ZIM2: variants seen among roughly 807,000 people sequenced by gnomAD.
ZIM2 encodes zinc finger imprinted 2.
In ZIM2, 14 loss-of-function variants were observed where a neutral mutation model predicts 38.6. The ratio of observed to expected loss-of-function variants is 0.36; its 90% CI spans 0.24 to 0.57. The LOEUF is 0.57. ZIM2 is among the 20% of genes least tolerant of loss of function. The pLI is 0.81. For synonymous variants in ZIM2, 247 were observed against 245.8 expected, an observed-to-expected ratio of 1.00 and a Z score of -0.04; for missense variants, 680 against 695.1, an observed-to-expected ratio of 0.98 and a Z score of 0.24.
chr19:56,816,848 G>A, intron 9 of ZIM2: 2 of 1,614,126 alleles, frequency 1.2e-6, no homozygotes, highest in Non-Finnish European at 1.7e-6. Flanking sequence ...CATTCCACAA[G>A]ATAACCTCTA....
intron 11 of ZIM2, among the ~76,000 whole-genome samples, chr19:56,780,474 C>T (rs2046275022): frequency 6.6e-6 from 1 of 152,046 alleles, no homozygotes; most frequent in Non-Finnish European, 1.5e-5. Flanking sequence ...AAACTCCTGA[C>T]CTCAAATGAA....
intron 11 of ZIM2, among the ~76,000 whole-genome samples, chr19:56,780,306 G>C (rs914841798): frequency 4.8e-5 from 7 of 147,168 alleles, no homozygotes; most frequent in Non-Finnish European, 1.0e-4. Flanking sequence ...GCAGTGGCAC[G>C]ATCTTGGCTT....
chr19:56,831,984 G>T (rs2061609857), intron 2 of ZIM2, among the ~76,000 whole-genome samples: 1 of 152,140 alleles, frequency 6.6e-6, no homozygotes, highest in Admixed American at 6.5e-5. Context: ...ATGATCTCAT[G>T]TATGTAAAAA....
At chr19:56,776,981 G>A in intron 12 of ZIM2, among the ~76,000 whole-genome samples, 1 of 152,212 alleles carries the variant, frequency 6.6e-6, no homozygotes, top group African/African-American at 2.4e-5. Context: ...AGGAACTTCA[G>A]TGTTTTGCTA....
intron 9 of ZIM2, chr19:56,798,543 T>C (rs909989798): frequency 3.9e-5 from 6 of 152,130 alleles, no homozygotes; most frequent in Non-Finnish European, 8.8e-5. Flanking sequence ...ATTCAGGACA[T>C]GGGCACAGGC....
At position 56,814,091 on chromosome 19, in the gene ZIM2, C is replaced by T. The variant is rs149476422; in HGVS notation, c.490+3655G>A. On this transcript the variant is annotated intron_variant, in intron 9 of 12. Coordinates refer to ENST00000629319, the MANE Select transcript of ZIM2 (RefSeq NM_001387356.1). This position sits in a 1 kb window ranked among gnomAD's most constrained non-coding sequence, Gnocchi z 5.8. ...TCAATACCTGCACCATCTGGCTCAT[C>T]AGCATCCCCATTTGGCTGCTCGGCC... 1.5e-5 allele frequency: 25 copies of T among 1,614,084 alleles called. No individual in the cohort carries two copies. Among genetic ancestry groups the T allele is most frequent in the Non-Finnish European group, 2.0e-5 (24 of 1,180,048 alleles).
intron 3 of ZIM2, among the ~76,000 whole-genome samples, chr19:56,826,002 A>G (rs994785196): frequency 6.6e-6 from 1 of 152,134 alleles, no homozygotes; most frequent in Non-Finnish European, 1.5e-5. Context: ...TTATCATCCC[A>G]TGGAGCTTGG....
At chr19:56,813,378 G>C in intron 9 of ZIM2, 1 of 1,176,164 alleles carries the variant, frequency 8.5e-7, no homozygotes, top group Non-Finnish European at 1.1e-6. Context: ...AGTTGATTTG[G>C]GCAAACTCTG....
intron 12 of ZIM2, 147 bp downstream of exon 12, chr19:56,779,229 TG>T: frequency 1.5e-6 from 1 of 662,414 alleles, no homozygotes; most frequent in Non-Finnish European, 2.6e-6. Flanking sequence ...CATGAAGAGA[TG>T]GGCTTCAGAA....
At chr19:56,816,796 G>A in intron 9 of ZIM2, 6 of 1,614,070 alleles carry the variant, frequency 3.7e-6, no homozygotes, top group Non-Finnish European at 5.1e-6. Flanking sequence ...CTCACTAAAG[G>A]TGGGGCTAGG....
intron 9 of ZIM2, among the ~76,000 whole-genome samples, chr19:56,795,631 A>G (rs2047176009): frequency 6.6e-6 from 1 of 152,128 alleles, no homozygotes; most frequent in Non-Finnish European, 1.5e-5. Context: ...TAGGGTTGGT[A>G]CGGCGAGGAG....
At chr19:56,776,220 A>G (rs753149150) in intron 12 of ZIM2, among the ~76,000 whole-genome samples, 3 of 152,192 alleles carry the variant, frequency 2.0e-5, no homozygotes, top group Non-Finnish European at 2.9e-5. Context: ...TACAGAGTAG[A>G]ATGAGCAGAA....
intron 12 of ZIM2, among the ~76,000 whole-genome samples, chr19:56,778,119 G>A (rs1009946289): frequency 7.2e-5 from 11 of 151,988 alleles, no homozygotes; most frequent in Non-Finnish European, 2.9e-5. Context: ...TCCACTTTAC[G>A]CTCCGTTATT....
At chr19:56,810,226 TG>T (rs2048028360) in intron 9 of ZIM2, 6 of 983,210 alleles carry the variant, frequency 6.1e-6, no homozygotes, top group Non-Finnish European at 7.2e-6. Flanking sequence ...GGTGAAAACA[TG>T]GGTGAGTTTC....
intron 2 of ZIM2, 61 bp from the exon 3 acceptor site, chr19:56,826,524 G>C (rs2061047564): frequency 6.6e-6 from 1 of 152,248 alleles, no homozygotes. Flanking sequence ...TGTAGAAGGA[G>C]TGTCAGAGAA....
chr19:56,834,711 G>A (rs548194657), intron 2 of ZIM2, among the ~76,000 whole-genome samples: 15 of 152,256 alleles, frequency 9.9e-5, no homozygotes, highest in African/African-American at 3.6e-4. Context: ...GAGCACTGAG[G>A]CCAGGAATAC....
intron 1 of ZIM2, among the ~76,000 whole-genome samples, chr19:56,840,150 T>C (rs2062831245): frequency 1.3e-5 from 2 of 152,148 alleles, no homozygotes; most frequent in Non-Finnish European, 2.9e-5. Context: ...GAGAGCCGCA[T>C]TCCGCCGTGG....
rs183742132 is a variant in ZIM2, at chr19:56,787,858, T to C, written c.570+2014A>G. ...AGGAATTTATCCATTTCTTCTAGAT[T>C]TTCTAGTTTATTTGTGTAGAGGTGT... On this transcript the variant is annotated intron_variant, in intron 10 of 12. Coordinates refer to ENST00000629319, the MANE Select transcript of ZIM2 (RefSeq NM_001387356.1). Among the ~76,000 whole-genome samples the C allele has an allele frequency of 6.2e-3, 949 of 152,112 alleles. 6 individuals carry two copies. The highest frequency in any genetic ancestry group is 0.022 in the African/African-American group (900 of 41,534).
chr19:56,796,412 T>A (rs925827934), intron 9 of ZIM2, among the ~76,000 whole-genome samples: 3 of 152,220 alleles, frequency 2.0e-5, no homozygotes, highest in Non-Finnish European at 4.4e-5. Context: ...TCTTTTTTTT[T>A]AACTTTGTTA....
Sources: gnomAD v4.1 joint callset for allele counts (sites outside exome capture counted in the v4.1 genomes callset) on GRCh38, gnomAD v4.1.1 for gene constraint, Gnocchi (gnomAD v3.1) non-coding constraint, MANE v1.5 for transcripts, NCBI Gene and HGNC (gene_info 2026-07-23, HGNC 2026-07-21) for gene names.